Variants in CD55 observed in about 807,000 individuals in gnomAD.
CD55 encodes complement decay-accelerating factor.
A neutral mutation model predicts 45.8 loss-of-function variants in CD55; 41 were observed. That is an observed-to-expected ratio of 0.90 (90% confidence interval 0.70 to 1.16). The LOEUF is 1.16. CD55 is among the 50% of genes most tolerant of loss of function. The pLI is 0.00. For synonymous variants in CD55, 181 were observed against 181.1 expected, an observed-to-expected ratio of 1.00 and a Z score of 0.01; for missense variants, 416 against 469.8, an observed-to-expected ratio of 0.89 and a Z score of 1.06.
intron 9 of CD55, among the ~76,000 whole-genome samples, chr1:207,357,205 T>G (rs1656109927): frequency 6.6e-6 from 1 of 152,302 alleles, no homozygotes; most frequent in Non-Finnish European, 1.5e-5. Context: ...TTAATAATTT[T>G]TACAGGCATT....
chr1:207,359,672 T>A lies in CD55; in HGVS notation c.*62T>A. On this transcript the variant is annotated 3_prime_UTR_variant, in exon 10 of 10. Coordinates refer to ENST00000367064, the MANE Select transcript of CD55 (RefSeq NM_000574.5). ...ACAGACTGTTCCTAGTTTCTTAGAC[T>A]TATCTGCATATTGGATAAAATAAAT... 1 of 1,536,574 alleles carries A rather than the reference T, an allele frequency of 6.5e-7. No homozygotes were observed. The highest frequency in any genetic ancestry group is 2.4e-5 in the East Asian group (1 of 42,360).
intron 9 of CD55, chr1:207,340,612 T>C: frequency 8.8e-6 from 6 of 679,832 alleles, no homozygotes; most frequent in Non-Finnish European, 1.6e-5. Flanking sequence ...CCGTAAGCGA[T>C]TTTTCCGGCC....
intron 9 of CD55, among the ~76,000 whole-genome samples, chr1:207,345,743 T>C (rs1655606505): frequency 6.6e-6 from 1 of 152,242 alleles, no homozygotes; most frequent in Non-Finnish European, 1.5e-5. Flanking sequence ...GGGAGGACTT[T>C]TCCTGAAGAT....
At chr1:207,346,737 T>G (rs919474928) in intron 9 of CD55, among the ~76,000 whole-genome samples, 2 of 152,164 alleles carry the variant, frequency 1.3e-5, no homozygotes, top group African/African-American at 4.8e-5. Context: ...CAAGATGCAG[T>G]CTGGGAGGGG....
intron 9 of CD55, among the ~76,000 whole-genome samples, chr1:207,351,370 G>A (rs1288694286): frequency 6.6e-6 from 1 of 152,150 alleles, no homozygotes; most frequent in South Asian, 2.1e-4. Context: ...ATTTGGTCAA[G>A]TGTCAAGTTT....
At chr1:207,323,099 A>C (rs1039078923) in intron 2 of CD55, among the ~76,000 whole-genome samples, 2 of 151,924 alleles carry the variant, frequency 1.3e-5, no homozygotes, top group African/African-American at 4.8e-5. Flanking sequence ...TGTGTGGAGA[A>C]TATTCCAAAT....
intron 9 of CD55, among the ~76,000 whole-genome samples, chr1:207,339,843 T>C (rs1655342815): frequency 6.6e-6 from 1 of 152,224 alleles, no homozygotes; most frequent in African/African-American, 2.4e-5. Flanking sequence ...TTTTAATTGA[T>C]ACATAATGTT....
chr1:207,338,115 C>G (rs1450407193), intron 8 of CD55, among the ~76,000 whole-genome samples: 1 of 152,110 alleles, frequency 6.6e-6, no homozygotes, highest in Non-Finnish European at 1.5e-5. Flanking sequence ...AAACATTTCC[C>G]CAGCCCATTT....
chr1:207,330,519 G>A (rs1048735252), intron 5 of CD55, among the ~76,000 whole-genome samples: 21 of 152,070 alleles, frequency 1.4e-4, no homozygotes, highest in African/African-American at 4.6e-4. Context: ...GAGTCCATAT[G>A]TGCTAAAAAT....
rs749015115 is a variant in CD55, at chr1:207,324,766, T to A, written c.478+16T>A. ...TTTTGTAAAAGTGAGTAAAATTTTTTAAAGTATTTTCAACCATCTGGTGTT... is the reference window on the plus strand; with the variant it reads ...TTTTGTAAAAGTGAGTAAAATTTTTAAAAGTATTTTCAACCATCTGGTGTT... On this transcript the variant is annotated intron_variant, in intron 3 of 9. Coordinates refer to ENST00000367064, the MANE Select transcript of CD55 (RefSeq NM_000574.5). 2.6e-6 allele frequency: 4 copies of A among 1,558,516 alleles called. No homozygotes were observed. Among genetic ancestry groups the A allele is most frequent in the Admixed American group, 1.7e-5 (1 of 57,414 alleles).
chr1:207,349,536 T>C, intron 9 of CD55, among the ~76,000 whole-genome samples: 1 of 152,226 alleles, frequency 6.6e-6, no homozygotes, highest in African/African-American at 2.4e-5. Context: ...GGAATATTTT[T>C]CCATTTGTTT....
chr1:207,322,246 T>G, intron 1 of CD55, 136 bp from the exon 2 acceptor site: 1 of 791,046 alleles, frequency 1.3e-6, no homozygotes, highest in Non-Finnish European at 2.3e-6. Context: ...AGTCCAGCCG[T>G]GTGGAGCACA....
In CD55 at chr1:207,321,804, C is replaced by G; in HGVS notation, c.39C>G (p.Pro13=). ...GGCCGAGCGTGCCCGCGGCGCTGCCCCTCCTCGGGGAGCTGCCCCGGCTGC... is the reference window on the plus strand; with the variant it reads ...GGCCGAGCGTGCCCGCGGCGCTGCCGCTCCTCGGGGAGCTGCCCCGGCTGC... ...VARPSVPAAL[P]LLGELPRLLL... is the part of the protein sequence containing the mutation. The change falls in exon 1 of 10, where the codon CCC becomes CCG. Residue 13 remains proline (P), a synonymous_variant. Coordinates refer to ENST00000367064, the MANE Select transcript of CD55 (RefSeq NM_000574.5). The G allele has an allele frequency of 2.0e-6, 3 of 1,527,224 alleles. No homozygotes were observed. The South Asian group carries it at 3.6e-5, about 18-fold the overall frequency. 94.6% of individuals were successfully genotyped at this position (1,527,224 alleles called of 1,614,324 possible). A position where few individuals can be genotyped will look rare whatever the true frequency, so the allele number is the denominator to read the frequency against.
In CD55 at chr1:207,324,733, C is replaced by G. The variant is rs756752451; in HGVS notation, c.461C>G (p.Ala154Gly). Residue 154 changes from alanine (A) to glycine (G), a missense_variant, in exon 3 of 10, where the codon GCA becomes GGA. Physicochemically the swap from Ala to Gly is moderately conservative, Grantham distance 60. Around this residue, in one of 3 missense-constraint regions of CD55, gnomAD observed 111 missense variants for 163.4 expected, o/e 0.68. Coordinates refer to ENST00000367064, the MANE Select transcript of CD55 (RefSeq NM_000574.5). ...TCLQNLKWST[A>G]VEFCKKKSCP... ...CTTCAGAATTTAAAATGGTCCACAG[C>G]AGTCGAATTTTGTAAAAGTGAGTAA... The G allele has an allele frequency of 6.2e-7, 1 of 1,601,278 alleles. No homozygotes were observed. The highest frequency in any genetic ancestry group is 1.3e-5 in the African/African-American group (1 of 74,282).
At chr1:207,349,126 A>T (rs1465418434) in intron 9 of CD55, among the ~76,000 whole-genome samples, 2 of 152,122 alleles carry the variant, frequency 1.3e-5, no homozygotes, top group Non-Finnish European at 2.9e-5. Flanking sequence ...TTTGATAGGA[A>T]TAGCATTGGA....
At chr1:207,351,932 T>A (rs1245100006) in intron 9 of CD55, among the ~76,000 whole-genome samples, 1 of 152,148 alleles carries the variant, frequency 6.6e-6, no homozygotes, top group Non-Finnish European at 1.5e-5. Context: ...TGTGTGTGAT[T>A]TCATATTTGT....
In CD55 at chr1:207,336,564, T is replaced by C. The variant is rs543331377; in HGVS notation, c.854-129T>C. ...TTGAGAAATACTCAATAAGAGTTGGTTTCCTGAAAGTCATACCTAGGTGTT... is the reference window on the plus strand; with the variant it reads ...TTGAGAAATACTCAATAAGAGTTGGCTTCCTGAAAGTCATACCTAGGTGTT... On this transcript the variant is annotated intron_variant, in intron 6 of 9. Coordinates refer to ENST00000367064, the MANE Select transcript of CD55 (RefSeq NM_000574.5). 3.4e-4 allele frequency: 354 copies of C among 1,055,602 alleles called. 2 individuals carry two copies. The highest frequency in any genetic ancestry group is 4.5e-4 in the Non-Finnish European group (326 of 723,540). 65.4% of individuals were successfully genotyped at this position (1,055,602 alleles called of 1,614,324 possible).
intron 5 of CD55, among the ~76,000 whole-genome samples, chr1:207,328,497 G>A (rs1326819780): frequency 2.6e-5 from 4 of 152,230 alleles, no homozygotes; most frequent in African/African-American, 9.6e-5. Context: ...TGGATACGAA[G>A]AAGGAAAGAA....
In CD55 at chr1:207,337,719, C is replaced by A. The variant is rs537780615; in HGVS notation, c.1060+310C>A. 1.6e-4 allele frequency: 38 copies of A among 232,524 alleles called. 1 individual carries two copies. The highest frequency in any genetic ancestry group is 2.9e-4 in the Non-Finnish European group (35 of 119,918). 14.4% of individuals were successfully genotyped at this position (232,524 alleles called of 1,614,324 possible). The stretch of plus-strand genomic sequence containing the variant: ...TAGGGAGTCAACGAATTATTCAAGA[C>A]CCCTTCAAAGAACCAAATATGTACT... On this transcript the variant is annotated intron_variant, in intron 8 of 9. Transcript: ENST00000367064.
Sources: allele counts gnomAD v4.1 joint callset (sites outside exome capture counted in the v4.1 genomes callset), GRCh38; gene constraint gnomAD v4.1.1; regional missense constraint gnomAD v4.1.1; transcripts MANE v1.5; gene names NCBI Gene and HGNC (gene_info 2026-07-23, HGNC 2026-07-21).